ZMAT1: variants seen among roughly 807,000 people sequenced by gnomAD.
ZMAT1 encodes the protein zinc finger matrin-type protein 1.
ZMAT1 carries 11 observed loss-of-function variants against 18.5 expected under a neutral mutation model. The observed-to-expected ratio is 0.59, with a 90% CI of 0.37 to 0.98. ZMAT1 has a LOEUF of 0.98. Ranked by LOEUF, ZMAT1 falls within the 50% of genes least tolerant of loss-of-function variation. The pLI is 0.01. For synonymous variants in ZMAT1, 211 were observed against 176.4 expected (o/e 1.20, Z -1.55); for missense variants, 525 against 496.2 (o/e 1.06, Z -0.55).
At chrX:101,895,960 T>C in intron 4 of ZMAT1, 1 of 514,199 alleles carries the variant, frequency 1.9e-6, no homozygotes. Flanking sequence ...ACTAGGGAAA[T>C]TTATAATTCT....
chrX:101,930,423 A>T (rs1251223619), intron 1 of ZMAT1, among the ~76,000 whole-genome samples: 2 of 112,582 alleles, frequency 1.8e-5, no homozygotes, highest in Admixed American at 1.9e-4. Flanking sequence ...TAACTTCCAT[A>T]TTTAATAAGT....
At chrX:101,899,989 T>C (rs1212536119) in intron 2 of ZMAT1, among the ~76,000 whole-genome samples, 2 of 112,122 alleles carry the variant, frequency 1.8e-5, no homozygotes. Flanking sequence ...TTTTTGATTA[T>C]GGCCATTCTT....
At chrX:101,916,090 A>C (rs1336550688) in intron 1 of ZMAT1, among the ~76,000 whole-genome samples, 1 of 111,846 alleles carries the variant, frequency 8.9e-6, no homozygotes, top group Non-Finnish European at 1.9e-5. Context: ...TGTTCTTTGC[A>C]GGGACATGGA....
At chrX:101,921,112 T>G (rs973054459) in intron 1 of ZMAT1, among the ~76,000 whole-genome samples, 1 of 111,666 alleles carries the variant, frequency 9.0e-6, no homozygotes, top group Non-Finnish European at 1.9e-5. Context: ...AAATAATCTG[T>G]GCTTTTAGCC....
intron 2 of ZMAT1, among the ~76,000 whole-genome samples, chrX:101,902,408 A>G (rs1928306899): frequency 8.9e-6 from 1 of 112,279 alleles, no homozygotes; most frequent in Non-Finnish European, 1.9e-5. Flanking sequence ...TTATGATTTA[A>G]AAATTTTTAA....
intron 4 of ZMAT1, among the ~76,000 whole-genome samples, chrX:101,895,160 T>C (rs956044073): frequency 1.8e-5 from 2 of 111,750 alleles, no homozygotes; most frequent in African/African-American, 6.5e-5. Flanking sequence ...TGCAATGAAG[T>C]ATTATTATTA....
chrX:101,925,756 G>C lies in ZMAT1; in HGVS notation c.292+5961C>G, dbSNP rs139691550. On this transcript the variant is annotated intron_variant, in intron 1 of 5. Coordinates refer to ENST00000651725, the MANE Select transcript of ZMAT1 (RefSeq NM_001394560.1). ...ATACATAATCATTTTATTTAGACCAGAGTTATTTTAGAGGTCATCTAGTTC... is the reference window on the plus strand; with the variant it reads ...ATACATAATCATTTTATTTAGACCACAGTTATTTTAGAGGTCATCTAGTTC... Among the ~76,000 whole-genome samples the C allele has an allele frequency of 5.6e-3, 633 of 112,499 alleles. 1 individual carries two copies. The highest frequency in any genetic ancestry group is 0.012 in the South Asian group (34 of 2,737).
intron 4 of ZMAT1, among the ~76,000 whole-genome samples, chrX:101,892,080 C>A (rs1363049188): frequency 9.1e-6 from 1 of 110,245 alleles, no homozygotes; most frequent in Non-Finnish European, 1.9e-5. Flanking sequence ...AGGAGTGTAG[C>A]GGGGGAAGAG....
At chrX:101,921,897 C>A (rs1929757864) in intron 1 of ZMAT1, among the ~76,000 whole-genome samples, 1 of 111,465 alleles carries the variant, frequency 9.0e-6, no homozygotes, top group Non-Finnish European at 1.9e-5. Context: ...TCATATCATA[C>A]TGTTGACTCA....
chrX:101,930,772 G>C (rs369375705), intron 1 of ZMAT1, among the ~76,000 whole-genome samples: 2 of 112,136 alleles, frequency 1.8e-5, no homozygotes, highest in East Asian at 5.6e-4. Context: ...CACCAGCTAA[G>C]AACATTTCCC....
intron 1 of ZMAT1, among the ~76,000 whole-genome samples, chrX:101,905,888 TA>T (rs747049552): frequency 0.016 from 765 of 47,882 alleles, 4 homozygotes; most frequent in Non-Finnish European, 0.02. Context: ...GCCAAAAAAC[TA>T]AAAAAAAAAA....
Position 101,898,027 on chromosome X carries a change from C to T in ZMAT1, c.517G>A (p.Gly173Arg). 3 of 1,211,082 alleles carry T rather than the reference C, an allele frequency of 2.5e-6. No homozygotes were observed. The highest frequency in any genetic ancestry group is 2.3e-4 in the Middle Eastern group (1 of 4,352). ...VENFQVHRYE[G>R]VDKNKFCDLC... ...TCACAAAATTTGTTTTTGTCCACTCCTTCATACCTATGCACCTGAAATAGG... is the reference window on the plus strand; with the variant it reads ...TCACAAAATTTGTTTTTGTCCACTCTTTCATACCTATGCACCTGAAATAGG... Residue 173 changes from glycine (G) to arginine (R), a missense_variant, in exon 4 of 6, where the codon GGA (glycine) becomes AGA (arginine). Physicochemically the swap from Gly to Arg is moderately radical, Grantham distance 125 (BLOSUM62 -2). Coordinates refer to ENST00000651725, the MANE Select transcript of ZMAT1 (RefSeq NM_001394560.1).
chrX:101,893,340 A>G (rs1185023295), intron 4 of ZMAT1, among the ~76,000 whole-genome samples: 1 of 111,613 alleles, frequency 9.0e-6, no homozygotes, highest in African/African-American at 3.3e-5. Flanking sequence ...AACAGGAAAA[A>G]TACCTTAACA....
chrX:101,896,313 T>G (rs1927802174), intron 4 of ZMAT1, among the ~76,000 whole-genome samples: 1 of 112,025 alleles, frequency 8.9e-6, no homozygotes, highest in Non-Finnish European at 1.9e-5. Flanking sequence ...TGTTTAAGAC[T>G]ATAAAACTAT....
At chrX:101,900,413 T>C (rs1478581887) in intron 2 of ZMAT1, among the ~76,000 whole-genome samples, 1 of 111,732 alleles carries the variant, frequency 8.9e-6, no homozygotes, top group Admixed American at 9.5e-5. Flanking sequence ...ATTGTTATCA[T>C]CCAGAATTTT....
At chrX:101,906,543 G>A (rs1332651894) in intron 1 of ZMAT1, among the ~76,000 whole-genome samples, 1 of 112,055 alleles carries the variant, frequency 8.9e-6, no homozygotes, top group African/African-American at 3.2e-5. Flanking sequence ...TGTAGCTCTT[G>A]CTGGAGCTCC....
At chrX:101,908,486 TCACTGAAAGAGG>T (rs964923578) in intron 1 of ZMAT1, among the ~76,000 whole-genome samples, 38 of 111,113 alleles carry the variant, frequency 3.4e-4, no homozygotes, top group Non-Finnish European at 4.0e-4. Flanking sequence ...TAACTTCAGA[TCACTGAAAGAGG>T]CACTTAAGAG....
intron 1 of ZMAT1, among the ~76,000 whole-genome samples, chrX:101,920,877 G>C (rs916777927): frequency 2.7e-5 from 3 of 111,210 alleles, no homozygotes; most frequent in Non-Finnish European, 5.7e-5. Context: ...GATGGGAATC[G>C]TTGCCCTACA....
At chrX:101,921,108 T>C (rs1043959413) in intron 1 of ZMAT1, among the ~76,000 whole-genome samples, 4 of 111,526 alleles carry the variant, frequency 3.6e-5, no homozygotes, top group African/African-American at 9.8e-5. Flanking sequence ...GGCTAAATAA[T>C]CTGTGCTTTT....
Sources: allele counts gnomAD v4.1 joint callset (sites outside exome capture counted in the v4.1 genomes callset), GRCh38; gene constraint gnomAD v4.1.1; transcripts MANE v1.5; gene names NCBI Gene and HGNC (gene_info 2026-07-23, HGNC 2026-07-21).